MYO5B: variants seen among roughly 807,000 people sequenced by gnomAD.
MYO5B encodes myosin VB.
Under a neutral mutation model 229.3 loss-of-function variants are expected in MYO5B, and 143 were observed. The observed-to-expected ratio is 0.62, with a 90% confidence interval of 0.54 to 0.72. The LOEUF is 0.72. MYO5B is among the 30% of genes least tolerant of loss of function. The probability of loss-of-function intolerance (pLI) is 0.00; values close to 1 mark genes in which losing one functional copy is unlikely to be tolerated. For synonymous variants in MYO5B, 918 were observed against 885.2 expected (o/e 1.04, Z -0.66); for missense variants, 2,321 against 2,331.0 (o/e 1.00, Z 0.09).
intron 17 of MYO5B, among the ~76,000 whole-genome samples, chr18:49,926,152 A>C (rs1332820924): frequency 1.3e-5 from 2 of 152,230 alleles, no homozygotes; most frequent in African/African-American, 4.8e-5. Flanking sequence ...GTTCATCCTG[A>C]ACAATGCTGG....
intron 4 of MYO5B, among the ~76,000 whole-genome samples, chr18:50,029,818 G>A (rs563760454): frequency 1.3e-5 from 2 of 152,160 alleles, no homozygotes; most frequent in Admixed American, 1.3e-4. Flanking sequence ...GGAGAGAAGA[G>A]GTTACTGGGG....
In MYO5B at chr18:49,839,172, A is replaced by C; in HGVS notation, c.4824T>G (p.Ile1608Met). The C allele has an allele frequency of 1.2e-6, 2 of 1,614,076 alleles. No individual in the cohort carries two copies. The highest frequency in any genetic ancestry group is 8.5e-7 in the Non-Finnish European group (1 of 1,180,042). Residue 1608 changes from isoleucine to methionine, a missense_variant, in exon 36 of 40, where the codon ATT becomes ATG. Coordinates refer to ENST00000285039, the MANE Select transcript of MYO5B (RefSeq NM_001080467.3). The stretch of plus-strand genomic sequence containing the variant: ...TCATCGGCTGTAACACGCCCTCGGC[A>C]ATTTTAATGAGCTGCTGGTAGATCT... ...SIQIYQQLIKIAEGVLQPMIV... is the reference protein window; with the variant it reads ...SIQIYQQLIKMAEGVLQPMIV...
In MYO5B at chr18:49,856,828, A is replaced by G. The variant is rs1178490485; in HGVS notation, c.4007T>C (p.Leu1336Pro). The change falls in exon 30 of 40, where the codon CTA becomes CCA. Residue 1336 changes from leucine (L) to proline (P), a missense_variant. By Grantham distance (98) the Leu-to-Pro change is moderately conservative. Coordinates refer to ENST00000285039, the MANE Select transcript of MYO5B (RefSeq NM_001080467.3). ...TATGTTCCACCTGGCAACTTGCTTT[A>G]GGCCTTGGTAGGCCAAGCCGAGTTC... ...DGELGLAYQG[L>P]KQVARLLEAQ... The G allele has an allele frequency of 1.2e-6, 2 of 1,613,862 alleles. No homozygotes were observed. Among genetic ancestry groups the G allele is most frequent in the East Asian group, 4.5e-5 (2 of 44,892 alleles).
At chr18:50,006,634 G>T (rs543986303) in intron 4 of MYO5B, among the ~76,000 whole-genome samples, 2 of 152,246 alleles carry the variant, frequency 1.3e-5, no homozygotes, top group South Asian at 4.1e-4. Flanking sequence ...CTTAGCTTCT[G>T]CTAAACTACT....
chr18:50,115,466 C>T (rs945075030), intron 1 of MYO5B, among the ~76,000 whole-genome samples: 1 of 152,064 alleles, frequency 6.6e-6, no homozygotes, highest in South Asian at 2.1e-4. Flanking sequence ...GAGCACCTAC[C>T]AGGGCCAGGT....
At position 49,879,225 on chromosome 18, in the gene MYO5B, C is replaced by T. The variant is rs193141351; in HGVS notation, c.3131-135G>A. On this transcript the variant is annotated intron_variant, in intron 23 of 39. Coordinates refer to ENST00000285039, the MANE Select transcript of MYO5B (RefSeq NM_001080467.3). ...TCAGAGGCTCTTGATGAATCTATTACGCTCCTCACCTACTGCAGAGCAAAG... is the reference window on the plus strand; with the variant it reads ...TCAGAGGCTCTTGATGAATCTATTATGCTCCTCACCTACTGCAGAGCAAAG... The T allele has an allele frequency of 1.1e-4, 112 of 1,016,466 alleles. No homozygotes were observed. The East Asian group carries it at 1.2e-3, about 11-fold the overall frequency. The allele number at this position is 1,016,466 out of a possible 1,614,324, so 63.0% of individuals were successfully genotyped here.
chr18:50,035,547 C>T (rs1233059382), intron 4 of MYO5B, among the ~76,000 whole-genome samples: 2 of 152,216 alleles, frequency 1.3e-5, no homozygotes. Context: ...AACAGAAACT[C>T]ATGCGCAGGC....
At chr18:50,174,054 T>A (rs1017077556) in intron 1 of MYO5B, among the ~76,000 whole-genome samples, 3 of 152,002 alleles carry the variant, frequency 2.0e-5, no homozygotes, top group Non-Finnish European at 4.4e-5. Context: ...AGGGCCCAAA[T>A]AGAACAAAAC....
chr18:50,049,894 T>C (rs2030346157), intron 2 of MYO5B, among the ~76,000 whole-genome samples: 1 of 152,210 alleles, frequency 6.6e-6, no homozygotes, highest in Non-Finnish European at 1.5e-5. Flanking sequence ...ACGGTGGTGA[T>C]GGTCACACAA....
chr18:50,091,704 A>G (rs529976234), intron 1 of MYO5B, among the ~76,000 whole-genome samples: 47 of 152,246 alleles, frequency 3.1e-4, no homozygotes, highest in Non-Finnish European at 6.6e-4. Context: ...GCCACCTGAC[A>G]CCACCACACC....
chr18:50,118,347 G>A (rs1627219), intron 1 of MYO5B, among the ~76,000 whole-genome samples: 91,843 of 151,386 alleles, frequency 0.61, 27,956 homozygotes, highest in Admixed American at 0.69. Context: ...GAGAGTTGCA[G>A]AAAGAGGTTG....
intron 29 of MYO5B, among the ~76,000 whole-genome samples, chr18:49,858,376 G>C (rs1410300959): frequency 6.6e-6 from 1 of 152,220 alleles, no homozygotes; most frequent in African/African-American, 2.4e-5. Context: ...GCCGGAAGTA[G>C]AGCGCATCAG....
intron 1 of MYO5B, among the ~76,000 whole-genome samples, chr18:50,061,589 TGCTG>T (rs2030687782): frequency 6.6e-6 from 1 of 152,226 alleles, no homozygotes; most frequent in Non-Finnish European, 1.5e-5. Context: ...TGATTCTCAG[TGCTG>T]GCTGGCATAC....
At chr18:49,932,514 A>T (rs2025204765) in intron 16 of MYO5B, among the ~76,000 whole-genome samples, 1 of 152,162 alleles carries the variant, frequency 6.6e-6, no homozygotes, top group South Asian at 2.1e-4. Flanking sequence ...TGGGGCAAAG[A>T]ACTCAGTGTG....
chr18:50,164,334 TC>T (rs1256434016), intron 1 of MYO5B, among the ~76,000 whole-genome samples: 3 of 152,216 alleles, frequency 2.0e-5, no homozygotes, highest in Non-Finnish European at 4.4e-5. Context: ...GAGCAAGCCA[TC>T]CCAACCTGTC....
intron 29 of MYO5B, among the ~76,000 whole-genome samples, chr18:49,859,212 G>C (rs747392198): frequency 5.9e-5 from 9 of 152,186 alleles, no homozygotes; most frequent in Non-Finnish European, 8.8e-5. Flanking sequence ...CTTTCTTTAC[G>C]GGTAAAGTGA....
rs2023847197 is a variant in MYO5B, at chr18:49,826,464, T to C, written c.*7A>G. The C allele has an allele frequency of 1.2e-6, 2 of 1,613,572 alleles. No homozygotes were observed. The highest frequency in any genetic ancestry group is 1.7e-6 in the Non-Finnish European group (2 of 1,179,740). ...GGGAATCAAACTAATGCTGGAAACATGCATCTTCAGACTTCATTGAGGAAT... is the reference window on the plus strand; with the variant it reads ...GGGAATCAAACTAATGCTGGAAACACGCATCTTCAGACTTCATTGAGGAAT... On this transcript the variant is annotated 3_prime_UTR_variant, in exon 40 of 40. Transcript: ENST00000285039.
chr18:49,955,559 C>T (rs754325269), intron 12 of MYO5B, among the ~76,000 whole-genome samples: 4 of 152,162 alleles, frequency 2.6e-5, no homozygotes, highest in Non-Finnish European at 5.9e-5. Flanking sequence ...CTAATAAAAT[C>T]CGCACCATAA....
rs750633142 is a variant in MYO5B, at chr18:49,853,478, C to G, written c.4192G>C (p.Glu1398Gln). 2 of 1,613,946 alleles carry G rather than the reference C, an allele frequency of 1.2e-6. No individual in the cohort carries two copies. Among genetic ancestry groups the G allele is most frequent in the South Asian group, 2.2e-5 (2 of 91,028 alleles). The change falls in exon 31 of 40, where the codon GAA (glutamate) becomes CAA (glutamine). Residue 1398 changes from glutamate to glutamine, a missense_variant. Physicochemically the swap from Glu to Gln is conservative, Grantham distance 29. Around this residue, in one of 2 missense-constraint regions of MYO5B, gnomAD observed 2,113 missense variants for 2,044.7 expected, o/e 1.03. Transcript: ENST00000285039. ...TTCTCGTTGGTCAGCCGGGATATTT[C>G]CTGCTGAACGCCGAATTCCACCTGG... The part of the protein sequence containing the change: ...EAQVEFGVQQ[E>Q]ISRLTNENLD...
Sources: allele counts gnomAD v4.1 joint callset (sites outside exome capture counted in the v4.1 genomes callset), GRCh38; gene constraint gnomAD v4.1.1; regional missense constraint gnomAD v4.1.1; transcripts MANE v1.5; gene names NCBI Gene and HGNC (gene_info 2026-07-23, HGNC 2026-07-21).